AUTS2: variants seen among roughly 807,000 people sequenced by gnomAD.
AUTS2 encodes the protein autism susceptibility gene 2 protein.
A neutral mutation model predicts 112.4 loss-of-function variants in AUTS2; 17 were observed. The ratio of observed to expected loss-of-function variants is 0.15; its 90% CI spans 0.10 to 0.23. The LOEUF is 0.23. Among genes scored for constraint, AUTS2 ranks in the 10% least tolerant of loss-of-function variants. The pLI is 1.00. For synonymous variants in AUTS2, 751 were observed against 702.7 expected, an observed-to-expected ratio of 1.07 and a Z score of -1.09; for missense variants, 1,510 against 1,701.6, an observed-to-expected ratio of 0.89 and a Z score of 1.98.
rs150294284 is a variant in AUTS2, at chr7:70,555,524, A to C, written c.690+119743A>C. 4.1e-3 allele frequency among the ~76,000 whole-genome samples: 624 copies of C among 152,122 alleles called. 3 individuals are homozygous for C. The highest frequency in any genetic ancestry group is 0.017 in the Middle Eastern group (5 of 294). On this transcript the variant is annotated intron_variant, in intron 5 of 18. Transcript: ENST00000342771. ...TTACCTCCTTGGACCTGGGACCCTC[A>C]TATTCTTGGACCCTGGCACAGTGTC...
chr7:69,876,812 G>A (rs1171811576), intron 1 of AUTS2, among the ~76,000 whole-genome samples: 1 of 151,958 alleles, frequency 6.6e-6, no homozygotes, highest in Non-Finnish European at 1.5e-5. Flanking sequence ...CTTCCCTAAT[G>A]AGAAAAACAT....
At chr7:69,623,931 G>T (rs1187234108) in intron 1 of AUTS2, among the ~76,000 whole-genome samples, 1 of 152,004 alleles carries the variant, frequency 6.6e-6, no homozygotes, top group African/African-American at 2.4e-5. Flanking sequence ...CAAATCCCAA[G>T]AAATTAGAGA....
intron 1 of AUTS2, among the ~76,000 whole-genome samples, chr7:69,632,826 G>C (rs182395290): frequency 2.6e-5 from 4 of 152,000 alleles, no homozygotes. Flanking sequence ...CCTTGAGAGA[G>C]GTTTTTATTA....
In AUTS2 at chr7:70,543,754, A is replaced by T. The variant is rs142726492; in HGVS notation, c.690+107973A>T. Reference sequence around the variant, plus strand: ...GGTGTTTATTGTCTAAATCCCTTACATGTGAATTAAAAATAGGCAAAGGTA... The same window carrying T: ...GGTGTTTATTGTCTAAATCCCTTACTTGTGAATTAAAAATAGGCAAAGGTA... On this transcript the variant is annotated intron_variant, in intron 5 of 18. Transcript: ENST00000342771. Among the ~76,000 whole-genome samples, 518 of 152,264 alleles carry T rather than the reference A, an allele frequency of 3.4e-3. 4 individuals are homozygous for T. The highest frequency in any genetic ancestry group is 0.011 in the African/African-American group (467 of 41,542).
At chr7:70,660,778 C>A (rs899814101) in intron 5 of AUTS2, among the ~76,000 whole-genome samples, 2 of 152,210 alleles carry the variant, frequency 1.3e-5, no homozygotes, top group Middle Eastern at 3.2e-3. Context: ...ATCGTTTGTT[C>A]ATGTCACCCC....
chr7:69,736,752 A>G (rs569611892), intron 1 of AUTS2, among the ~76,000 whole-genome samples: 2 of 152,286 alleles, frequency 1.3e-5, no homozygotes, highest in East Asian at 3.9e-4. Flanking sequence ...ATTCTCTGGT[A>G]AGGCTTCACC....
At chr7:70,572,464 G>A (rs1801985095) in intron 5 of AUTS2, among the ~76,000 whole-genome samples, 2 of 141,794 alleles carry the variant, frequency 1.4e-5, no homozygotes, top group Non-Finnish European at 3.1e-5. Context: ...GATGGGGGGT[G>A]GGGGTGGGGA....
intron 6 of AUTS2, among the ~76,000 whole-genome samples, chr7:70,707,669 G>A (rs1809811595): frequency 6.6e-6 from 1 of 152,088 alleles, no homozygotes; most frequent in South Asian, 2.1e-4. Flanking sequence ...TCTCATCCAG[G>A]ACTTCTCCAG....
intron 13 of AUTS2, among the ~76,000 whole-genome samples, chr7:70,776,444 G>A (rs558486027): frequency 6.6e-6 from 1 of 152,276 alleles, no homozygotes; most frequent in South Asian, 2.1e-4. Flanking sequence ...ATGGACTTGA[G>A]ATCTGCAGAG....
At chr7:70,669,276 C>T (rs796606394) in intron 5 of AUTS2, among the ~76,000 whole-genome samples, 9 of 152,296 alleles carry the variant, frequency 5.9e-5, no homozygotes, top group African/African-American at 2.2e-4. Context: ...TCGTTCATTA[C>T]CCCAGTGTTT....
At chr7:70,300,330 A>G (rs1789152556) in intron 4 of AUTS2, among the ~76,000 whole-genome samples, 1 of 152,216 alleles carries the variant, frequency 6.6e-6, no homozygotes, top group South Asian at 2.1e-4. Context: ...GTCCTGAGCC[A>G]CGTGCGGGCT....
intron 1 of AUTS2, among the ~76,000 whole-genome samples, chr7:69,703,253 C>T (rs1797901811): frequency 6.6e-6 from 1 of 151,974 alleles, no homozygotes; most frequent in Non-Finnish European, 1.5e-5. Context: ...CTGTGCAAAC[C>T]CAGAGGCCTG....
chr7:70,288,697 G>A (rs1788575775), intron 4 of AUTS2, among the ~76,000 whole-genome samples: 1 of 152,040 alleles, frequency 6.6e-6, no homozygotes, highest in Non-Finnish European at 1.5e-5. Context: ...TGGAGAGGAT[G>A]GAGATAAAAG....
At chr7:70,540,262 G>A (rs919141445) in intron 5 of AUTS2, among the ~76,000 whole-genome samples, 1 of 152,118 alleles carries the variant, frequency 6.6e-6, no homozygotes, top group African/African-American at 2.4e-5. Context: ...CAGAAAACTC[G>A]GGAGAAGAAA....
At chr7:70,237,978 A>G (rs1812413868) in intron 4 of AUTS2, among the ~76,000 whole-genome samples, 1 of 152,220 alleles carries the variant, frequency 6.6e-6, no homozygotes, top group Admixed American at 6.5e-5. Flanking sequence ...TATCTACAGT[A>G]ATTCATAGTG....
chr7:70,253,061 C>A (rs984737566), intron 4 of AUTS2, among the ~76,000 whole-genome samples: 27 of 151,940 alleles, frequency 1.8e-4, no homozygotes, highest in Non-Finnish European at 3.5e-4. Context: ...TTTATGAATT[C>A]CTATTTTCCT....
intron 4 of AUTS2, among the ~76,000 whole-genome samples, chr7:70,209,454 G>A (rs964964125): frequency 2.0e-5 from 3 of 152,146 alleles, no homozygotes; most frequent in African/African-American, 7.2e-5. Context: ...CCAGCGTGGA[G>A]GTATAAATGT....
intron 5 of AUTS2, among the ~76,000 whole-genome samples, chr7:70,594,841 C>T (rs948132390): frequency 6.6e-6 from 1 of 152,170 alleles, no homozygotes; most frequent in African/African-American, 2.4e-5. Flanking sequence ...GTCGCTCACA[C>T]CTGTAATCCC....
chr7:70,187,361 G>T (rs1043323031), intron 4 of AUTS2, among the ~76,000 whole-genome samples: 1 of 152,114 alleles, frequency 6.6e-6, no homozygotes, highest in South Asian at 2.1e-4. Context: ...AGGTAATTAG[G>T]TATATATGTA....
Sources: gnomAD v4.1 joint callset for allele counts (sites outside exome capture counted in the v4.1 genomes callset) on GRCh38, gnomAD v4.1.1 for gene constraint, MANE v1.5 for transcripts, NCBI Gene and HGNC (gene_info 2026-07-23, HGNC 2026-07-21) for gene names.